The following SYNE2 variants were observed in gnomAD, a reference collection of about 807,000 sequenced individuals.
SYNE2 encodes spectrin repeat containing nuclear envelope protein 2.
SYNE2 carries 431 observed loss-of-function variants against 856.3 expected under a neutral mutation model. That is an observed-to-expected ratio of 0.50 (90% CI 0.47 to 0.55). SYNE2 has a LOEUF of 0.55. SYNE2 is among the 20% of genes least tolerant of loss of function. The pLI is 0.00. For synonymous variants in SYNE2, 2,923 were observed against 2,872.3 expected, an observed-to-expected ratio of 1.02 and a Z score of -0.56; for missense variants, 8,129 against 8,023.2, an observed-to-expected ratio of 1.01 and a Z score of -0.50.
In SYNE2 at chr14:64,078,635, A is replaced by G. The variant is rs979633295; in HGVS notation, c.11163+29A>G. On this transcript the variant is annotated intron_variant, in intron 55 of 115. Transcript: ENST00000555002. ...AAATCCTCCTTTAACTCCCTTCAGC[A>G]TTTGGTACTTCTGACCCACTCCTGC... 18 of 1,611,884 alleles carry G rather than the reference A, an allele frequency of 1.1e-5. No individual in the cohort carries two copies. The African/African-American group carries it at 1.6e-4, about 14-fold the overall frequency.
intron 102 of SYNE2, 117 bp from the exon 103 acceptor site, chr14:64,209,825 G>C: frequency 7.1e-7 from 1 of 1,413,424 alleles, no homozygotes. Context: ...TAGGCCCTCT[G>C]CTGCCATTGC....
chr14:63,925,838 G>T (rs987494640), intron 2 of SYNE2, among the ~76,000 whole-genome samples: 6 of 152,082 alleles, frequency 3.9e-5, no homozygotes, highest in Non-Finnish European at 1.5e-5. Context: ...ACAAATGACA[G>T]ACTCTCATCC....
At chr14:63,825,246 C>G (rs1889379464) in intron 1 of SYNE2, among the ~76,000 whole-genome samples, 1 of 151,848 alleles carries the variant, frequency 6.6e-6, no homozygotes, top group Non-Finnish European at 1.5e-5. Context: ...TTCATCACTT[C>G]CACTCAACGT....
In SYNE2 at chr14:64,177,503, T is replaced by C. The variant is rs762234830; in HGVS notation, c.17556+20T>C. On this transcript the variant is annotated intron_variant, in intron 96 of 115. Transcript: ENST00000555002. Reference sequence around the variant, plus strand: ...ATTAAGGTATTGAAATCCAAACAAGTGGCCAAGATAATCACTTAGCTGTTT... The same window carrying C: ...ATTAAGGTATTGAAATCCAAACAAGCGGCCAAGATAATCACTTAGCTGTTT... 12 of 1,614,004 alleles carry C rather than the reference T, an allele frequency of 7.4e-6. No homozygotes were observed. Among genetic ancestry groups the C allele is most frequent in the Non-Finnish European group, 7.6e-6 (9 of 1,180,008 alleles).
rs574523276 is a variant in SYNE2, at chr14:63,867,684, C to G, written c.-52+14541C>G. The stretch of plus-strand genomic sequence containing the variant: ...CTGCACTCCAGCCTGGATGACAGAG[C>G]GAGACTCTGTCTCAAAAAAAGAATA... On this transcript the variant is annotated intron_variant, in intron 1 of 115. Coordinates refer to ENST00000555002, the MANE Select transcript of SYNE2 (RefSeq NM_182914.3). Among the ~76,000 whole-genome samples, 35 of 150,992 alleles carry G rather than the reference C, an allele frequency of 2.3e-4. No individual in the cohort carries two copies. The South Asian group carries it at 7.1e-3, about 31-fold the overall frequency.
At chr14:64,149,373 C>A (rs182203668) in intron 84 of SYNE2, among the ~76,000 whole-genome samples, 23 of 152,218 alleles carry the variant, frequency 1.5e-4, no homozygotes, top group East Asian at 1.2e-3. Context: ...TGACTTATCC[C>A]AGGGCAGAAT....
chr14:64,100,531 A>AAATATATATAT (rs1491537041), intron 63 of SYNE2, among the ~76,000 whole-genome samples: 10 of 39,470 alleles, frequency 2.5e-4, no homozygotes, highest in Non-Finnish European at 3.7e-4. Context: ...AAAAAAAAAA[A>AAATATATATAT]ATATATATAT....
chr14:64,185,665 C>T (rs186845665), intron 96 of SYNE2, among the ~76,000 whole-genome samples: 35 of 151,878 alleles, frequency 2.3e-4, no homozygotes, highest in African/African-American at 3.1e-4. Flanking sequence ...GGATTACAGG[C>T]GCGCGCCACC....
At chr14:64,176,236 A>C (rs576640877) in intron 95 of SYNE2, among the ~76,000 whole-genome samples, 1 of 152,290 alleles carries the variant, frequency 6.6e-6, no homozygotes, top group South Asian at 2.1e-4. Flanking sequence ...AAATGCAGGC[A>C]CCTATTTTGT....
chr14:64,171,842 C>T (rs779217327), intron 94 of SYNE2, among the ~76,000 whole-genome samples: 6 of 152,090 alleles, frequency 3.9e-5, no homozygotes, highest in Non-Finnish European at 7.4e-5. Context: ...GGCAGCATGA[C>T]ACTGTTTGCT....
intron 2 of SYNE2, among the ~76,000 whole-genome samples, chr14:63,921,724 G>A (rs540208724): frequency 1.3e-5 from 2 of 152,336 alleles, no homozygotes; most frequent in Non-Finnish European, 2.9e-5. Context: ...TGAGAATTAG[G>A]TAGTGTTTGG....
chr14:64,074,241 T>A (rs1389474723), intron 53 of SYNE2, 105 bp downstream of exon 53: 4 of 1,181,050 alleles, frequency 3.4e-6, no homozygotes, highest in Non-Finnish European at 5.1e-6. Flanking sequence ...GGGGGAGCGG[T>A]CTGGGGAGAG....
At chr14:64,102,099 G>A (rs1378595629) in intron 64 of SYNE2, 57 bp downstream of exon 64, 9 of 1,256,614 alleles carry the variant, frequency 7.2e-6, no homozygotes, top group Non-Finnish European at 1.0e-5. Flanking sequence ...GGGGGAGCAG[G>A]GATCTCTTTC....
intron 9 of SYNE2, among the ~76,000 whole-genome samples, chr14:63,962,352 G>A (rs893221558): frequency 2.0e-5 from 3 of 151,924 alleles, no homozygotes; most frequent in East Asian, 1.9e-4. Flanking sequence ...CACTGCGGCC[G>A]GCCTGTCAAA....
intron 60 of SYNE2, among the ~76,000 whole-genome samples, chr14:64,091,794 C>A (rs1425986923): frequency 6.6e-6 from 1 of 152,188 alleles, no homozygotes; most frequent in African/African-American, 2.4e-5. Context: ...GCACAGACTT[C>A]CAACCGTCTC....
chr14:64,220,232 T>G (rs1296929625), intron 110 of SYNE2, among the ~76,000 whole-genome samples: 5 of 152,164 alleles, frequency 3.3e-5, no homozygotes, highest in Non-Finnish European at 5.9e-5. Flanking sequence ...AGGCCTCTAC[T>G]TTGGGGCCCT....
chr14:63,911,659 C>A (rs1394156298), intron 2 of SYNE2, among the ~76,000 whole-genome samples: 3 of 152,318 alleles, frequency 2.0e-5, no homozygotes, highest in East Asian at 3.9e-4. Flanking sequence ...GTACCATACC[C>A]TCTTTGTTAC....
intron 70 of SYNE2, among the ~76,000 whole-genome samples, chr14:64,124,866 G>C (rs1433467396): frequency 6.6e-6 from 1 of 152,144 alleles, no homozygotes; most frequent in Non-Finnish European, 1.5e-5. Context: ...AGCCGGGCAT[G>C]GTGGCAGGCA....
intron 30 of SYNE2, among the ~76,000 whole-genome samples, chr14:64,005,055 G>A (rs189268008): frequency 6.6e-6 from 1 of 152,152 alleles, no homozygotes; most frequent in Non-Finnish European, 1.5e-5. Flanking sequence ...TAGGTACAAG[G>A]GTCGGGTGTG....
Sources: gnomAD v4.1 joint callset for allele counts (sites outside exome capture counted in the v4.1 genomes callset) on GRCh38, gnomAD v4.1.1 for gene constraint, MANE v1.5 for transcripts, NCBI Gene and HGNC (gene_info 2026-07-23, HGNC 2026-07-21) for gene names.